Variants in MYLK observed in about 807,000 individuals in gnomAD.
MYLK encodes the protein myosin light chain kinase, smooth muscle.
MYLK carries 106 observed loss-of-function variants against 203.4 expected under a neutral mutation model. That is an observed-to-expected ratio of 0.52 (90% CI 0.45 to 0.61). MYLK has a LOEUF of 0.61. Among genes scored for constraint, MYLK ranks in the 20% least tolerant of loss-of-function variants. The pLI is 0.00. For synonymous variants in MYLK, 867 were observed against 959.5 expected, an observed-to-expected ratio of 0.90 and a Z score of 1.78; for missense variants, 2,072 against 2,442.3, an observed-to-expected ratio of 0.85 and a Z score of 3.20.
At chr3:123,719,957 CA>C (rs943444005) in intron 13 of MYLK, among the ~76,000 whole-genome samples, 2 of 152,228 alleles carry the variant, frequency 1.3e-5, no homozygotes, top group African/African-American at 4.8e-5. Context: ...GGCACCGTGC[CA>C]GGGGGTGTCG....
intron 11 of MYLK, among the ~76,000 whole-genome samples, chr3:123,730,074 A>G (rs926232675): frequency 4.6e-5 from 7 of 152,080 alleles, no homozygotes; most frequent in Non-Finnish European, 8.8e-5. Flanking sequence ...CAAATAATAA[A>G]AAAAATTAGC....
intron 3 of MYLK, among the ~76,000 whole-genome samples, chr3:123,797,493 T>C (rs1304954431): frequency 6.6e-6 from 1 of 152,138 alleles, no homozygotes; most frequent in Non-Finnish European, 1.5e-5. Flanking sequence ...ATATCCCACA[T>C]AGCTACCCAG....
At chr3:123,820,195 TG>T (rs2109290871) in intron 3 of MYLK, among the ~76,000 whole-genome samples, 1 of 152,238 alleles carries the variant, frequency 6.6e-6, no homozygotes, top group South Asian at 2.1e-4. Context: ...CTGTTGTAGT[TG>T]GGCAGAACAG....
chr3:123,664,371 G>C (rs1024652845), intron 22 of MYLK, 113 bp from the exon 23 acceptor site: 13 of 1,465,732 alleles, frequency 8.9e-6, no homozygotes, highest in African/African-American at 8.3e-5. Flanking sequence ...CAAGCTGTGG[G>C]GGGGCTCAGT....
intron 2 of MYLK, among the ~76,000 whole-genome samples, chr3:123,838,481 T>C (rs577608830): frequency 1.7e-3 from 254 of 152,228 alleles, no homozygotes; most frequent in South Asian, 4.8e-3. Context: ...CCAGAAATGG[T>C]TAAAATGAAG....
At chr3:123,664,047 G>A (rs969974800) in intron 23 of MYLK, 58 bp downstream of exon 23, 3 of 1,610,008 alleles carry the variant, frequency 1.9e-6, no homozygotes, top group Non-Finnish European at 1.7e-6. Flanking sequence ...TATCTTGCCT[G>A]GGGGCTCCCT....
chr3:123,853,733 T>A (rs568485748), intron 2 of MYLK, among the ~76,000 whole-genome samples: 1 of 152,250 alleles, frequency 6.6e-6, no homozygotes, highest in South Asian at 2.1e-4. Context: ...TCCAACCTGA[T>A]GCTATAAATA....
chr3:123,878,837 C>T (rs1345532402), intron 1 of MYLK, among the ~76,000 whole-genome samples: 1 of 152,174 alleles, frequency 6.6e-6, no homozygotes, highest in Non-Finnish European at 1.5e-5. Context: ...CAGGAGGCTG[C>T]CATCACACCT....
chr3:123,751,922 T>C (rs1295220895), intron 5 of MYLK, among the ~76,000 whole-genome samples: 1 of 152,146 alleles, frequency 6.6e-6, no homozygotes, highest in African/African-American at 2.4e-5. Flanking sequence ...GTGAAGGCCC[T>C]GTAGCCTTGC....
rs1284214575 is a variant in MYLK at position 123,882,712 on chromosome 3, G to A, written c.-186+1494C>T. On this transcript the variant is annotated intron_variant, in intron 1 of 33. Transcript: ENST00000360304. ...CCAGCATCCAGAGTCCAACCACTCC[G>A]GACCCAGGACCAACTGCTCAGGTTC... Among the ~76,000 whole-genome samples, 4 of 152,102 alleles carry A rather than the reference G, an allele frequency of 2.6e-5. No individual in the cohort carries two copies. The East Asian group carries it at 7.8e-4, about 29-fold the overall frequency.
intron 5 of MYLK, among the ~76,000 whole-genome samples, chr3:123,750,556 G>T (rs1449167021): frequency 1.3e-5 from 2 of 152,164 alleles, no homozygotes; most frequent in Non-Finnish European, 2.9e-5. Flanking sequence ...GAAAACAAGG[G>T]CTAGTCCAGG....
At chr3:123,811,109 C>T (rs2065544981) in intron 3 of MYLK, among the ~76,000 whole-genome samples, 1 of 152,204 alleles carries the variant, frequency 6.6e-6, no homozygotes, top group African/African-American at 2.4e-5. Context: ...CAACTGAGAG[C>T]ACAGCCCATC....
At chr3:123,651,907 T>C (rs2059225480) in intron 24 of MYLK, among the ~76,000 whole-genome samples, 1 of 152,216 alleles carries the variant, frequency 6.6e-6, no homozygotes. Flanking sequence ...CCAGCCCCTC[T>C]TTCTAGTGCA....
At chr3:123,735,333 C>A in intron 9 of MYLK, 65 bp downstream of exon 9, 1 of 1,598,256 alleles carries the variant, frequency 6.3e-7, no homozygotes, top group East Asian at 2.2e-5. Context: ...CAGGGCATTT[C>A]TCGGTAACAT....
intron 18 of MYLK, among the ~76,000 whole-genome samples, chr3:123,698,214 C>A (rs531906947): frequency 6.6e-6 from 1 of 152,168 alleles, no homozygotes; most frequent in Non-Finnish European, 1.5e-5. Context: ...CCTGCTGAGA[C>A]CCTGAAGCCC....
At chr3:123,876,278 G>A (rs946188282) in intron 2 of MYLK, among the ~76,000 whole-genome samples, 4 of 151,938 alleles carry the variant, frequency 2.6e-5, no homozygotes, top group Non-Finnish European at 5.9e-5. Flanking sequence ...CACAGATTAT[G>A]AAAAACAGCA....
chr3:123,723,772 TAA>T (rs1262114573), intron 12 of MYLK, among the ~76,000 whole-genome samples: 1 of 152,212 alleles, frequency 6.6e-6, no homozygotes, highest in Non-Finnish European at 1.5e-5. Flanking sequence ...GTGGAAACGC[TAA>T]GAGTCGCTGA....
intron 31 of MYLK, chr3:123,624,333 A>AC (rs1363031911): frequency 6.6e-6 from 1 of 151,538 alleles, no homozygotes; most frequent in African/African-American, 2.4e-5. Flanking sequence ...TCTTTAAAAA[A>AC]AAAAAAAAAA....
chr3:123,738,171 G>A (rs934143551), intron 7 of MYLK, among the ~76,000 whole-genome samples: 1 of 152,090 alleles, frequency 6.6e-6, no homozygotes, highest in African/African-American at 2.4e-5. Flanking sequence ...AGGAAACCAG[G>A]ATTCCAAGAA....
Sources: gnomAD v4.1 joint callset for allele counts (sites outside exome capture counted in the v4.1 genomes callset) on GRCh38, gnomAD v4.1.1 for gene constraint, MANE v1.5 for transcripts, NCBI Gene and HGNC (gene_info 2026-07-23, HGNC 2026-07-21) for gene names.